Variants in FBXO42 observed in about 807,000 individuals in gnomAD.
FBXO42 encodes the protein F-box protein 42, also known as F-box only protein 42.
FBXO42 carries 12 observed loss-of-function variants against 71.7 expected under a neutral mutation model. The ratio of observed to expected loss-of-function variants is 0.17; its 90% CI spans 0.11 to 0.27. The LOEUF (loss-of-function observed/expected upper bound fraction) is 0.27. Ranked by LOEUF, FBXO42 falls within the 10% of genes least tolerant of loss-of-function variation. The pLI is 1.00. For missense variants in FBXO42, 707 were observed against 911.9 expected (o/e 0.78, Z 2.89); for synonymous variants, 325 against 327.5 (o/e 0.99, Z 0.08).
intron 1 of FBXO42, among the ~76,000 whole-genome samples, chr1:16,341,684 T>C (rs1231969307): frequency 6.7e-6 from 1 of 150,314 alleles, no homozygotes; most frequent in Non-Finnish European, 1.5e-5. Context: ...TTCTTAAAAG[T>C]TCTGGGCCGG....
chr1:16,313,627 C>T lies in FBXO42; in HGVS notation c.250+1542G>A, dbSNP rs374526603. 2.6e-5 allele frequency among the ~76,000 whole-genome samples: 4 copies of T among 152,316 alleles called. No individual in the cohort carries two copies. In the East Asian group the frequency reaches 7.7e-4, roughly 29 times the overall value. ...GGCCAACAGAGCAGTTTCAATACAG[C>T]TGGTTCTTAGCCCTCTAGGTGGACT... On this transcript the variant is annotated intron_variant, in intron 2 of 9. Coordinates refer to ENST00000375592, the MANE Select transcript of FBXO42 (RefSeq NM_018994.3).
chr1:16,313,422 A>C (rs865994067), intron 2 of FBXO42, among the ~76,000 whole-genome samples: 2 of 152,210 alleles, frequency 1.3e-5, no homozygotes, highest in African/African-American at 4.8e-5. Context: ...CCTAAGGATA[A>C]ATTCATATAT....
chr1:16,335,532 C>CAA (rs2082544736), intron 1 of FBXO42, among the ~76,000 whole-genome samples: 1 of 152,052 alleles, frequency 6.6e-6, no homozygotes, highest in African/African-American at 2.4e-5. Flanking sequence ...TTCTTTATTT[C>CAA]GCTGTAGTAT....
chr1:16,255,338 T>C (rs1185722892), intron 6 of FBXO42, among the ~76,000 whole-genome samples: 2 of 65,360 alleles, frequency 3.1e-5, no homozygotes, highest in Admixed American at 1.2e-4. Flanking sequence ...CCTAACTTAC[T>C]TTTTTTTTTT....
chr1:16,343,731 G>A (rs2082628390), intron 1 of FBXO42, among the ~76,000 whole-genome samples: 1 of 151,866 alleles, frequency 6.6e-6, no homozygotes, highest in South Asian at 2.1e-4. Context: ...GCTGAGGCAG[G>A]AGAATCGCTT....
At chr1:16,305,975 A>C in intron 2 of FBXO42, 56 bp from the exon 3 acceptor site, 1 of 1,200,500 alleles carries the variant, frequency 8.3e-7, no homozygotes, top group Non-Finnish European at 1.2e-6. Context: ...CCATCAAATT[A>C]TTAAAACTGT....
chr1:16,271,631 T>TG (rs2081846774), intron 4 of FBXO42, among the ~76,000 whole-genome samples: 1 of 152,030 alleles, frequency 6.6e-6, no homozygotes, highest in African/African-American at 2.4e-5. Flanking sequence ...TCACATATCC[T>TG]GGCTCAGGAA....
At chr1:16,350,875 A>C (rs2100654499) in intron 1 of FBXO42, among the ~76,000 whole-genome samples, 1 of 152,304 alleles carries the variant, frequency 6.6e-6, no homozygotes, top group African/African-American at 2.4e-5. Flanking sequence ...CTATGGATCA[A>C]TGTAGATTGA....
At chr1:16,315,958 G>A (rs2082359161) in intron 1 of FBXO42, among the ~76,000 whole-genome samples, 1 of 152,068 alleles carries the variant, frequency 6.6e-6, no homozygotes. Flanking sequence ...ATCACCTGAA[G>A]TTGGGAGTTT....
intron 4 of FBXO42, among the ~76,000 whole-genome samples, chr1:16,288,379 C>G (rs2082043163): frequency 6.6e-6 from 1 of 150,412 alleles, no homozygotes; most frequent in African/African-American, 2.4e-5. Context: ...GCAATGAGCC[C>G]AGATCGCACC....
chr1:16,251,726 G>A lies in FBXO42; in HGVS notation c.1098C>T (p.Pro366=). The change falls in exon 10 of 10, where the codon CCC becomes CCT. Residue 366 remains proline, a synonymous_variant. Transcript: ENST00000375592. The surrounding 1 kb of genome is among the most constrained non-coding windows in gnomAD (Gnocchi z 4.5). ...TAGGTGATGGGCGAGAGTTCAAACT[G>A]GGGCTGAGTGGGGCTCTCCCACTAG... The part of the protein sequence containing the change: ...QAPSGRAPLS[P]SLNSRPSPIS... The A allele has an allele frequency of 6.2e-7, 1 of 1,614,172 alleles. No homozygotes were observed. Among genetic ancestry groups the A allele is most frequent in the Non-Finnish European group, 8.5e-7 (1 of 1,180,036 alleles).
rs558757419 is a variant in FBXO42, at chr1:16,315,533, T to A, written c.-17-98A>T. 314 of 1,257,288 alleles carry A rather than the reference T, an allele frequency of 2.5e-4. 3 individuals are homozygous for A. The South Asian group carries it at 4.6e-3, about 18-fold the overall frequency. 77.9% of individuals were successfully genotyped at this position (1,257,288 alleles called of 1,614,324 possible). ...AAGCTCTTTGTAATTTCGTTTCCACTCTCAGTGTGAAATCTGCTCTTCAGC... is the reference window on the plus strand; with the variant it reads ...AAGCTCTTTGTAATTTCGTTTCCACACTCAGTGTGAAATCTGCTCTTCAGC... On this transcript the variant is annotated intron_variant, in intron 1 of 9. Coordinates refer to ENST00000375592, the MANE Select transcript of FBXO42 (RefSeq NM_018994.3).
intron 1 of FBXO42, among the ~76,000 whole-genome samples, chr1:16,322,162 A>C (rs1183606841): frequency 6.6e-6 from 1 of 152,206 alleles, no homozygotes; most frequent in African/African-American, 2.4e-5. Flanking sequence ...ATTGGTCAGA[A>C]TTAATACAAA....
chr1:16,343,995 G>T (rs370917666), intron 1 of FBXO42, among the ~76,000 whole-genome samples: 1 of 151,362 alleles, frequency 6.6e-6, no homozygotes, highest in African/African-American at 2.4e-5. Context: ...ACTGCAAAGG[G>T]ATCTTTTTTT....
intron 1 of FBXO42, among the ~76,000 whole-genome samples, chr1:16,349,098 T>C (rs2082677516): frequency 6.6e-6 from 1 of 152,038 alleles, no homozygotes; most frequent in African/African-American, 2.4e-5. Flanking sequence ...GCATACTGTG[T>C]GGGAACTGTC....
At chr1:16,254,471 A>C (rs770390622) in intron 6 of FBXO42, among the ~76,000 whole-genome samples, 3 of 152,238 alleles carry the variant, frequency 2.0e-5, no homozygotes, top group African/African-American at 2.4e-5. Flanking sequence ...CTAACCCTCA[A>C]GGGACCAACA....
chr1:16,298,981 T>C (rs1195557587), intron 3 of FBXO42, among the ~76,000 whole-genome samples: 1 of 152,028 alleles, frequency 6.6e-6, no homozygotes, highest in Non-Finnish European at 1.5e-5. Context: ...ACAGTGCCTG[T>C]ATTTTTCAAA....
intron 1 of FBXO42, among the ~76,000 whole-genome samples, chr1:16,349,283 ACTT>A (rs370006116): frequency 6.4e-4 from 98 of 152,172 alleles, no homozygotes; most frequent in African/African-American, 2.3e-3. Flanking sequence ...GATTCAGTGC[ACTT>A]CTTAACACTA....
chr1:16,296,293 T>A (rs986537074), intron 3 of FBXO42, among the ~76,000 whole-genome samples: 2 of 152,064 alleles, frequency 1.3e-5, no homozygotes, highest in African/African-American at 2.4e-5. Flanking sequence ...AAAAAAGACT[T>A]CTCAATGTTC....
Sources: allele counts gnomAD v4.1 joint callset (sites outside exome capture counted in the v4.1 genomes callset), GRCh38; gene constraint gnomAD v4.1.1; non-coding constraint Gnocchi (gnomAD v3.1); transcripts MANE v1.5; gene names NCBI Gene and HGNC (gene_info 2026-07-23, HGNC 2026-07-21).